CNTNAP2: variants seen among roughly 807,000 people sequenced by gnomAD.
The protein encoded by CNTNAP2 is contactin-associated protein-like 2.
A neutral mutation model predicts 155.2 loss-of-function variants in CNTNAP2; 98 were observed. That is an observed-to-expected ratio of 0.63 (90% CI 0.54 to 0.75). CNTNAP2 has a LOEUF of 0.75. Ranked by LOEUF, CNTNAP2 falls within the 30% of genes least tolerant of loss-of-function variation. The pLI, the probability that CNTNAP2 is intolerant of heterozygous loss-of-function variation, is 0.00. For missense variants in CNTNAP2, 1,727 were observed against 1,688.1 expected (o/e 1.02, Z -0.40); for synonymous variants, 651 against 631.2 (o/e 1.03, Z -0.47).
chr7:147,595,703 G>C (rs1800814767), intron 12 of CNTNAP2, among the ~76,000 whole-genome samples: 1 of 152,154 alleles, frequency 6.6e-6, no homozygotes, highest in Admixed American at 6.5e-5. Context: ...CACTTTACCT[G>C]AACGATTGTT....
chr7:147,607,202 G>A (rs1434378568), intron 12 of CNTNAP2, among the ~76,000 whole-genome samples: 1 of 152,008 alleles, frequency 6.6e-6, no homozygotes. Context: ...GATTATTTGG[G>A]AATTTTCTTC....
chr7:148,409,869 G>A (rs1799790932), intron 23 of CNTNAP2, among the ~76,000 whole-genome samples: 1 of 92,488 alleles, frequency 1.1e-5, no homozygotes, highest in Non-Finnish European at 2.3e-5. Flanking sequence ...GGCTAACACG[G>A]TGAAACCCCG....
intron 10 of CNTNAP2, among the ~76,000 whole-genome samples, chr7:147,397,437 T>C (rs1397552643): frequency 1.3e-5 from 2 of 152,078 alleles, no homozygotes; most frequent in Admixed American, 1.3e-4. Context: ...CTACTCTTTT[T>C]TTCAGGTCAG....
At chr7:146,355,760 A>G (rs1031755539) in intron 1 of CNTNAP2, among the ~76,000 whole-genome samples, 2 of 152,174 alleles carry the variant, frequency 1.3e-5, no homozygotes, top group African/African-American at 4.8e-5. Flanking sequence ...TTGTTCAAGT[A>G]GTTTTAAATT....
At chr7:147,425,402 G>T (rs1370646736) in intron 10 of CNTNAP2, among the ~76,000 whole-genome samples, 1 of 151,996 alleles carries the variant, frequency 6.6e-6, no homozygotes, top group Non-Finnish European at 1.5e-5. Context: ...AAGAAAGACT[G>T]CTCCTTCATG....
chr7:146,684,130 T>C (rs942196378), intron 1 of CNTNAP2, among the ~76,000 whole-genome samples: 1 of 152,126 alleles, frequency 6.6e-6, no homozygotes, highest in Admixed American at 6.5e-5. Context: ...TCCATTGCTT[T>C]TGAGCTGAAT....
intron 9 of CNTNAP2, among the ~76,000 whole-genome samples, chr7:147,307,109 G>C (rs931532827): frequency 6.6e-6 from 1 of 152,118 alleles, no homozygotes; most frequent in African/African-American, 2.4e-5. Context: ...TAAAACCATA[G>C]AAATATTACA....
intron 1 of CNTNAP2, among the ~76,000 whole-genome samples, chr7:146,768,635 G>A (rs1005087558): frequency 3.9e-5 from 6 of 151,906 alleles, no homozygotes; most frequent in Non-Finnish European, 7.4e-5. Context: ...ACAGAGTGAT[G>A]TGTTCAACTC....
At chr7:148,209,564 C>CT (rs1221715368) in intron 18 of CNTNAP2, among the ~76,000 whole-genome samples, 3 of 152,268 alleles carry the variant, frequency 2.0e-5, no homozygotes, top group East Asian at 1.9e-4. Context: ...TTTCCTTCAC[C>CT]TTTTTAATTC....
intron 3 of CNTNAP2, among the ~76,000 whole-genome samples, chr7:146,939,089 A>G (rs1796990316): frequency 6.6e-6 from 1 of 152,132 alleles, no homozygotes; most frequent in Non-Finnish European, 1.5e-5. Context: ...AACCCAGGAA[A>G]AAATAGAAAA....
intron 11 of CNTNAP2, among the ~76,000 whole-genome samples, chr7:147,531,433 A>G (rs1799429171): frequency 6.6e-6 from 1 of 152,198 alleles, no homozygotes; most frequent in Non-Finnish European, 1.5e-5. Context: ...GAGGTTCCCA[A>G]ACCTCAATTC....
intron 9 of CNTNAP2, among the ~76,000 whole-genome samples, chr7:147,317,356 T>C (rs777644044): frequency 6.6e-6 from 1 of 152,240 alleles, no homozygotes; most frequent in Non-Finnish European, 1.5e-5. Flanking sequence ...TTTATTTGTT[T>C]AGCAATGCAA....
At chr7:146,243,564 C>T (rs1799597247) in intron 1 of CNTNAP2, among the ~76,000 whole-genome samples, 1 of 152,068 alleles carries the variant, frequency 6.6e-6, no homozygotes, top group Non-Finnish European at 1.5e-5. Flanking sequence ...ATAGTGTTTA[C>T]TTATTTTAAA....
chr7:146,881,637 T>C (rs1795552315), intron 3 of CNTNAP2, among the ~76,000 whole-genome samples: 1 of 151,376 alleles, frequency 6.6e-6, no homozygotes, highest in Non-Finnish European at 1.5e-5. Flanking sequence ...TTTGACACAA[T>C]AAATGGAAAA....
At chr7:147,962,218 G>C (rs1801130037) in intron 14 of CNTNAP2, among the ~76,000 whole-genome samples, 1 of 152,202 alleles carries the variant, frequency 6.6e-6, no homozygotes, top group Admixed American at 6.5e-5. Context: ...ATATGAAAAT[G>C]ATAACAAGTT....
intron 8 of CNTNAP2, among the ~76,000 whole-genome samples, chr7:147,258,201 T>A (rs1804373917): frequency 6.6e-6 from 1 of 152,210 alleles, no homozygotes; most frequent in South Asian, 2.1e-4. Context: ...TGAATTTGTT[T>A]TTTTATTTTA....
intron 21 of CNTNAP2, among the ~76,000 whole-genome samples, chr7:148,321,798 T>C (rs547239712): frequency 6.6e-6 from 1 of 151,866 alleles, no homozygotes; most frequent in Non-Finnish European, 1.5e-5. Flanking sequence ...TACTCTGGAG[T>C]AAAAGAAGAG....
At position 146,919,343 on chromosome 7, in the gene CNTNAP2, G is replaced by C. The variant is rs28437450; in HGVS notation, c.402+79439G>C. ...CAGAGGGAAGATCTGGGACTCAAGG[G>C]CTGCTGTTCAGATTATTTTGTCCCA... On this transcript the variant is annotated intron_variant, in intron 3 of 23. Coordinates refer to ENST00000361727, the MANE Select transcript of CNTNAP2 (RefSeq NM_014141.6). Among the ~76,000 whole-genome samples the C allele has an allele frequency of 2.0e-5, 3 of 152,150 alleles. No individual in the cohort carries two copies. In the South Asian group the frequency reaches 6.2e-4, roughly 31 times the overall value.
chr7:148,121,976 A>T (rs758957172), intron 16 of CNTNAP2, among the ~76,000 whole-genome samples: 1 of 152,204 alleles, frequency 6.6e-6, no homozygotes. Context: ...TCCCTCAAAG[A>T]TCTTTCTGTT....
Sources: gnomAD v4.1 joint callset for allele counts (sites outside exome capture counted in the v4.1 genomes callset) on GRCh38, gnomAD v4.1.1 for gene constraint, MANE v1.5 for transcripts, NCBI Gene and HGNC (gene_info 2026-07-23, HGNC 2026-07-21) for gene names.